Variants in UNC13C observed in about 807,000 individuals in gnomAD.
UNC13C encodes protein unc-13 homolog C.
In UNC13C, 174 loss-of-function variants were observed where a neutral mutation model predicts 245.4. The observed-to-expected ratio is 0.71, with a 90% CI of 0.63 to 0.80. UNC13C has a LOEUF of 0.80. Ranked by LOEUF, UNC13C falls within the 30% of genes least tolerant of loss-of-function variation. The probability of loss-of-function intolerance (pLI) is 0.00; values close to 1 mark genes in which losing one functional copy is unlikely to be tolerated. For synonymous variants in UNC13C, 992 were observed against 895.1 expected (o/e 1.11, Z -1.93); for missense variants, 2,829 against 2,602.9 (o/e 1.09, Z -1.89).
At chr15:54,476,785 G>A (rs201046445) in intron 19 of UNC13C, among the ~76,000 whole-genome samples, 51,427 of 135,778 alleles carry the variant, frequency 0.38, 10,271 homozygotes, top group East Asian at 0.59. Flanking sequence ...TTGACTTGGT[G>A]ATGCGGGCTC....
rs372430581 is a variant in UNC13C, at chr15:53,997,345, A to G, written c.-256-15303A>G. On this transcript the variant is annotated intron_variant, in intron 1 of 32. Coordinates refer to ENST00000260323, the MANE Select transcript of UNC13C (RefSeq NM_001080534.3). ...ATCAGATGTGTGCATTGCAAAGTCA[A>G]TCTGTGACTTGCCTTCTTATTTTGT... Among the ~76,000 whole-genome samples the G allele has an allele frequency of 5.3e-4, 80 of 152,228 alleles. No individual in the cohort carries two copies. In the South Asian group the frequency reaches 0.017, roughly 32 times the overall value.
At chr15:53,902,809 A>G in the UNC13C span, among the ~76,000 whole-genome samples, 1,613 of 152,292 alleles carry the variant, frequency 0.011, 16 homozygotes, top group Non-Finnish European at 0.018. Context: ...ATGGATTCTG[A>G]TATCAACAAT....
chr15:53,928,836 TG>T, the UNC13C span, among the ~76,000 whole-genome samples: 1 of 152,168 alleles, frequency 6.6e-6, no homozygotes, highest in East Asian at 1.9e-4. Flanking sequence ...ATTATGTCAG[TG>T]GAATAACCAA....
rs188758708 is a variant in UNC13C, at chr15:54,355,486, A to C, written c.4713+16997A>C. 3.1e-3 allele frequency among the ~76,000 whole-genome samples: 472 copies of C among 152,080 alleles called. 2 individuals are homozygous for C. The highest frequency in any genetic ancestry group is 0.011 in the African/African-American group (451 of 41,504). On this transcript the variant is annotated intron_variant, in intron 17 of 32. Transcript: ENST00000260323. ...ATTCTCCTGCCTCAGCCTCTCTAGA[A>C]GCTGGGGCTACAGGCACGCACCACC...
chr15:53,909,356 A>G, the UNC13C span, among the ~76,000 whole-genome samples: 7 of 146,900 alleles, frequency 4.8e-5, 1 homozygote, highest in Non-Finnish European at 9.2e-5. Context: ...AATATGAATC[A>G]AAATGTAGTG....
intron 10 of UNC13C, among the ~76,000 whole-genome samples, chr15:54,270,251 C>A (rs546288537): frequency 1.3e-5 from 2 of 152,224 alleles, no homozygotes; most frequent in South Asian, 2.1e-4. Context: ...TATGTTCAGA[C>A]GTTGAAAAAT....
At chr15:54,446,962 C>A (rs1166156409) in intron 19 of UNC13C, among the ~76,000 whole-genome samples, 1 of 152,020 alleles carries the variant, frequency 6.6e-6, no homozygotes, top group East Asian at 1.9e-4. Flanking sequence ...TGAGATACAT[C>A]CCATCAATAC....
chr15:53,933,175 T>A, the UNC13C span, among the ~76,000 whole-genome samples: 1 of 152,200 alleles, frequency 6.6e-6, no homozygotes, highest in African/African-American at 2.4e-5. Flanking sequence ...TAGGATAGCA[T>A]CCTGTTCTTC....
chr15:53,873,923 T>TTTCTTCCTTC, the UNC13C span, among the ~76,000 whole-genome samples: 75 of 47,580 alleles, frequency 1.6e-3, no homozygotes, highest in African/African-American at 5.7e-3. Context: ...TTCCTTCCTT[T>TTTCTTCCTTC]CTTCCTTCCT....
At chr15:53,908,223 C>A in the UNC13C span, among the ~76,000 whole-genome samples, 1 of 146,280 alleles carries the variant, frequency 6.8e-6, no homozygotes, top group East Asian at 2.0e-4. Flanking sequence ...AATGGGTGCT[C>A]CTTTTTTTGT....
intron 13 of UNC13C, among the ~76,000 whole-genome samples, chr15:54,309,304 T>G (rs1596192028): frequency 1.3e-5 from 2 of 152,002 alleles, no homozygotes; most frequent in East Asian, 3.9e-4. Context: ...TATGTCTTCT[T>G]CAGGGAAATA....
chr15:53,899,572 T>G, the UNC13C span, among the ~76,000 whole-genome samples: 3 of 152,006 alleles, frequency 2.0e-5, no homozygotes, highest in East Asian at 5.8e-4. Flanking sequence ...AGCGCTTAGC[T>G]GAAAAACCAG....
intron 4 of UNC13C, among the ~76,000 whole-genome samples, chr15:54,224,108 C>T (rs2035306225): frequency 6.6e-6 from 1 of 151,992 alleles, no homozygotes; most frequent in Non-Finnish European, 1.5e-5. Flanking sequence ...TTCTTCCTTT[C>T]CAGTTTAGTT....
the UNC13C span, among the ~76,000 whole-genome samples, chr15:53,874,318 T>C: frequency 1.5e-4 from 23 of 152,312 alleles, no homozygotes; most frequent in Admixed American, 9.8e-4. Flanking sequence ...GCAATGTGCA[T>C]AATTAGTATT....
At chr15:54,455,056 C>A (rs750760772) in intron 19 of UNC13C, among the ~76,000 whole-genome samples, 21 of 150,418 alleles carry the variant, frequency 1.4e-4, no homozygotes, top group Non-Finnish European at 2.5e-4. Context: ...AACATAGGAT[C>A]TTTGGTTTTC....
chr15:54,003,778 C>G (rs942917667), intron 1 of UNC13C, among the ~76,000 whole-genome samples: 3 of 152,082 alleles, frequency 2.0e-5, no homozygotes, highest in Non-Finnish European at 4.4e-5. Flanking sequence ...TTTGGGAGGC[C>G]GAGGAGGGTG....
intron 1 of UNC13C, among the ~76,000 whole-genome samples, chr15:54,004,453 C>A (rs753801283): frequency 6.6e-6 from 1 of 152,134 alleles, no homozygotes; most frequent in Non-Finnish European, 1.5e-5. Flanking sequence ...CTATTGTGAA[C>A]AGTACTTCAA....
chr15:53,855,114 A>T, the UNC13C span, among the ~76,000 whole-genome samples: 1 of 152,082 alleles, frequency 6.6e-6, no homozygotes. Flanking sequence ...GTTGGTGTAT[A>T]GGAATGCTTG....
chr15:54,102,179 G>A (rs147754704), intron 2 of UNC13C, among the ~76,000 whole-genome samples: 129 of 151,700 alleles, frequency 8.5e-4, no homozygotes, highest in African/African-American at 2.7e-3. Flanking sequence ...ATAAACAAAT[G>A]AACCAAAGTA....
Sources: allele counts gnomAD v4.1 joint callset (sites outside exome capture counted in the v4.1 genomes callset), GRCh38; gene constraint gnomAD v4.1.1; transcripts MANE v1.5; gene names NCBI Gene and HGNC (gene_info 2026-07-23, HGNC 2026-07-21).